Variants in METTL15 observed in about 807,000 individuals in gnomAD.
METTL15 encodes methyltransferase 15, mitochondrial 12S rRNA N4-cytidine.
Under a neutral mutation model 38.3 loss-of-function variants are expected in METTL15, and 34 were observed. The observed-to-expected ratio is 0.89, with a 90% CI of 0.68 to 1.18. The LOEUF is 1.18. Ranked by LOEUF, METTL15 falls within the 50% of genes most tolerant of loss-of-function variation. The pLI is 0.00. For synonymous variants in METTL15, 162 were observed against 170.9 expected (o/e 0.95, Z 0.41); for missense variants, 438 against 498.4 (o/e 0.88, Z 1.15).
intron 3 of METTL15, among the ~76,000 whole-genome samples, chr11:28,174,148 A>G (rs1224277267): frequency 6.6e-6 from 1 of 152,052 alleles, no homozygotes; most frequent in Non-Finnish European, 1.5e-5. Flanking sequence ...ATATCTACAT[A>G]ATTAATTTGG....
chr11:28,215,064 T>TA (rs1357070333), intron 4 of METTL15, among the ~76,000 whole-genome samples: 2 of 152,144 alleles, frequency 1.3e-5, no homozygotes, highest in Non-Finnish European at 1.5e-5. Context: ...TTTTTATGCT[T>TA]AAATTCAATA....
intron 4 of METTL15, chr11:28,287,451 C>T: frequency 2.3e-6 from 1 of 429,910 alleles, no homozygotes; most frequent in Non-Finnish European, 4.6e-6. Context: ...CAACAATTTT[C>T]CTAGCAATGT....
At chr11:28,299,932 A>C (rs947309618) in intron 6 of METTL15, among the ~76,000 whole-genome samples, 6 of 151,920 alleles carry the variant, frequency 3.9e-5, no homozygotes, top group African/African-American at 1.4e-4. Flanking sequence ...GTCACTTGGC[A>C]TTCTCCCTGG....
chr11:28,117,932 CACTTACTT>C (rs577937145), intron 3 of METTL15, among the ~76,000 whole-genome samples: 7 of 152,290 alleles, frequency 4.6e-5, no homozygotes, highest in Non-Finnish European at 8.8e-5. Flanking sequence ...TTGCATCAGT[CACTTACTT>C]ACTTACTATT....
intron 5 of METTL15, among the ~76,000 whole-genome samples, chr11:28,378,610 C>T (rs1042013488): frequency 3.9e-5 from 6 of 152,112 alleles, no homozygotes; most frequent in Non-Finnish European, 7.4e-5. Flanking sequence ...AGAAATCACC[C>T]TTCTTCTGCG....
Position 28,268,622 on chromosome 11 carries a change from GT to G in METTL15, c.408-21580del, listed in dbSNP as rs566923808. 2.4e-3 allele frequency among the ~76,000 whole-genome samples: 367 copies of G among 152,216 alleles called. 4 individuals carry two copies. Among genetic ancestry groups the G allele is most frequent in the African/African-American group, 7.9e-3 (327 of 41,534 alleles). On this transcript the variant is annotated intron_variant, in intron 4 of 6. Coordinates refer to ENST00000407364, the MANE Select transcript of METTL15 (RefSeq NM_001113528.2). ...TTTCAACTTAACAGTTTCAAGTCTA[GT>G]TTTAGGATAAGGTAGTACAATTGCT...
intron 5 of METTL15, among the ~76,000 whole-genome samples, chr11:28,368,128 C>CAA (rs796151908): frequency 9.5e-4 from 31 of 32,554 alleles, no homozygotes; most frequent in Non-Finnish European, 1.4e-3. Flanking sequence ...TTCTGCATAG[C>CAA]AAAAAAAAAA....
intron 6 of METTL15, among the ~76,000 whole-genome samples, chr11:28,461,516 A>G (rs951852828): frequency 4.6e-5 from 7 of 152,050 alleles, no homozygotes; most frequent in Admixed American, 2.0e-4. Flanking sequence ...CTGTTATACA[A>G]TGTAGCTCAT....
chr11:28,388,264 G>T (rs1439829120), intron 5 of METTL15, among the ~76,000 whole-genome samples: 1 of 151,908 alleles, frequency 6.6e-6, no homozygotes, highest in African/African-American at 2.4e-5. Context: ...AAAAACAAGT[G>T]AAATTATCAC....
At chr11:28,471,059 A>G (rs1353820451) in intron 6 of METTL15, among the ~76,000 whole-genome samples, 1 of 152,038 alleles carries the variant, frequency 6.6e-6, no homozygotes, top group Non-Finnish European at 1.5e-5. Context: ...GGTTTTTTTC[A>G]TGTGTTACAG....
chr11:28,514,188 C>A lies in METTL15; in HGVS notation c.*425-12290C>A, dbSNP rs1851700327. ...CAGCATTCTTTCATCCCCTTTGACA[C>A]AGTAATTGTTTCGGGGATGGGCAGA... On this transcript the variant is annotated intron_variant and NMD_transcript_variant, in intron 6 of 7. Coordinates refer to the METTL15 transcript ENST00000532947. Among the ~76,000 whole-genome samples, 5 of 152,168 alleles carry A rather than the reference C, an allele frequency of 3.3e-5. No individual in the cohort carries two copies. The South Asian group carries it at 1.0e-3, about 32-fold the overall frequency.
At chr11:28,374,039 A>T (rs1850277183) in intron 5 of METTL15, among the ~76,000 whole-genome samples, 1 of 152,106 alleles carries the variant, frequency 6.6e-6, no homozygotes, top group South Asian at 2.1e-4. Context: ...CTGTTTTGGT[A>T]CCAGTGCCAT....
chr11:28,207,763 A>G (rs1315384277), intron 3 of METTL15, among the ~76,000 whole-genome samples: 1 of 152,090 alleles, frequency 6.6e-6, no homozygotes, highest in Non-Finnish European at 1.5e-5. Context: ...ATGGTAAGCT[A>G]TTGACTGTTG....
chr11:28,140,821 G>A (rs1406783733), intron 3 of METTL15, among the ~76,000 whole-genome samples: 1 of 152,130 alleles, frequency 6.6e-6, no homozygotes, highest in African/African-American at 2.4e-5. Context: ...ATTCCTTGTC[G>A]ATTCACCCCA....
chr11:28,153,979 A>G (rs1311074684), intron 3 of METTL15, among the ~76,000 whole-genome samples: 1 of 152,162 alleles, frequency 6.6e-6, no homozygotes, highest in Non-Finnish European at 1.5e-5. Flanking sequence ...ACTCATTTAC[A>G]TTTTAATGTA....
intron 4 of METTL15, among the ~76,000 whole-genome samples, chr11:28,282,679 T>TA (rs1292435127): frequency 2.6e-5 from 4 of 152,186 alleles, no homozygotes; most frequent in Non-Finnish European, 5.9e-5. Context: ...CCTACATTGT[T>TA]ACTTTGAAAC....
At chr11:28,120,804 A>G (rs140756257) in intron 3 of METTL15, among the ~76,000 whole-genome samples, 1 of 152,110 alleles carries the variant, frequency 6.6e-6, no homozygotes, top group Non-Finnish European at 1.5e-5. Flanking sequence ...ATCCTTCTTA[A>G]AGTTTCTCTG....
At chr11:28,483,742 C>T (rs1851416125) in intron 6 of METTL15, among the ~76,000 whole-genome samples, 1 of 152,136 alleles carries the variant, frequency 6.6e-6, no homozygotes, top group Admixed American at 6.5e-5. Flanking sequence ...TGGATTTGCA[C>T]TGCAACTGGT....
intron 5 of METTL15, among the ~76,000 whole-genome samples, chr11:28,415,429 C>T (rs566393061): frequency 6.6e-6 from 1 of 152,270 alleles, no homozygotes; most frequent in South Asian, 2.1e-4. Flanking sequence ...TTAGTTCCAG[C>T]ATTAGAAATG....
Sources: gnomAD v4.1 joint callset for allele counts (sites outside exome capture counted in the v4.1 genomes callset) on GRCh38, gnomAD v4.1.1 for gene constraint, MANE v1.5 for transcripts, NCBI Gene and HGNC (gene_info 2026-07-23, HGNC 2026-07-21) for gene names.